The following CCR3 variants were observed in gnomAD, a reference collection of about 807,000 sequenced individuals.
CCR3 encodes C-C motif chemokine receptor 3.
For missense variants in CCR3, 419 were observed against 437.5 expected (o/e 0.96, Z 0.38); for synonymous variants, 203 against 179.2 (o/e 1.13, Z -1.06).
chr3:46,242,065 G>A (rs1700092647), upstream of CCR3, among the ~76,000 whole-genome samples: 1 of 151,676 alleles, frequency 6.6e-6, no homozygotes, highest in Non-Finnish European at 1.5e-5. Flanking sequence ...CCCAGGAGGT[G>A]GAGGTTGCAG....
intron 2 of CCR3, among the ~76,000 whole-genome samples, chr3:46,231,613 G>T (rs983089992): frequency 1.3e-5 from 2 of 152,132 alleles, no homozygotes; most frequent in Non-Finnish European, 2.9e-5. Context: ...TGCCAAGAGG[G>T]TAGATCTTAC....
intron 2 of CCR3, among the ~76,000 whole-genome samples, chr3:46,218,035 T>G (rs1173997749): frequency 6.6e-6 from 1 of 151,568 alleles, no homozygotes; most frequent in African/African-American, 2.4e-5. Context: ...AAAAGTTGGT[T>G]CTTTGAAAAG....
At chr3:46,264,737 T>A in intron 1 of CCR3, 1 of 411,102 alleles carries the variant, frequency 2.4e-6, no homozygotes, top group Non-Finnish European at 4.3e-6. Flanking sequence ...TGGATAAGGA[T>A]TTTTAAGGTA....
intron 2 of CCR3, among the ~76,000 whole-genome samples, chr3:46,236,703 C>A (rs1330889970): frequency 6.6e-6 from 1 of 152,214 alleles, no homozygotes; most frequent in Non-Finnish European, 1.5e-5. Flanking sequence ...AGTTTCCCAG[C>A]AGCATTGGAG....
At chr3:46,226,852 G>A (rs1453433612) in intron 2 of CCR3, among the ~76,000 whole-genome samples, 1 of 146,380 alleles carries the variant, frequency 6.8e-6, no homozygotes, top group Non-Finnish European at 1.5e-5. Flanking sequence ...ACCATGAATA[G>A]GTGAAATATA....
intron 2 of CCR3, among the ~76,000 whole-genome samples, chr3:46,229,911 G>A (rs766316011): frequency 1.3e-5 from 2 of 152,166 alleles, no homozygotes; most frequent in Non-Finnish European, 2.9e-5. Flanking sequence ...GGCCAAGTAA[G>A]AGCGTGGTCC....
intron 1 of CCR3, among the ~76,000 whole-genome samples, chr3:46,261,285 A>G (rs567796523): frequency 4.6e-5 from 7 of 152,362 alleles, no homozygotes; most frequent in African/African-American, 1.7e-4. Context: ...AATGAAAGGG[A>G]GTTGCATAAT....
chr3:46,243,250 G>T (rs569837933), intron 1 of CCR3, among the ~76,000 whole-genome samples: 2 of 151,912 alleles, frequency 1.3e-5, no homozygotes, highest in African/African-American at 2.4e-5. Context: ...CATAGCACTT[G>T]CTGCGTGGCA....
chr3:46,265,883 T>G lies in CCR3; in HGVS notation c.725T>G (p.Phe242Cys). 1 of 1,614,184 alleles carries G rather than the reference T, an allele frequency of 6.2e-7. No individual in the cohort carries two copies. Among genetic ancestry groups the G allele is most frequent in the Non-Finnish European group, 8.5e-7 (1 of 1,180,014 alleles). Residue 242 changes from phenylalanine (F) to cysteine (C), a missense_variant, in exon 2 of 2, where the codon TTT becomes TGT. Transcript: ENST00000395940. ...KKKYKAIRLI[F>C]VIMAVFFIFW... ...AAGTACAAGGCCATCCGGCTCATTT[T>G]TGTCATCATGGCGGTGTTTTTCATT...
chr3:46,219,658 C>A (rs1210766939), intron 2 of CCR3, among the ~76,000 whole-genome samples: 1 of 152,118 alleles, frequency 6.6e-6, no homozygotes, highest in East Asian at 1.9e-4. Flanking sequence ...ACCAATGGAA[C>A]AGAATAGAGA....
At chr3:46,236,680 C>G (rs1700028584) in intron 2 of CCR3, among the ~76,000 whole-genome samples, 1 of 152,214 alleles carries the variant, frequency 6.6e-6, no homozygotes, top group African/African-American at 2.4e-5. Context: ...ACTGGGGTCC[C>G]CAGGATGTCC....
chr3:46,212,368 A>G (rs1699724723), intron 2 of CCR3, among the ~76,000 whole-genome samples: 1 of 152,210 alleles, frequency 6.6e-6, no homozygotes, highest in Non-Finnish European at 1.5e-5. Context: ...CACCAAAGTC[A>G]GATTGGTTAC....
At chr3:46,227,593 G>A (rs1397861884) in intron 2 of CCR3, among the ~76,000 whole-genome samples, 2 of 151,712 alleles carry the variant, frequency 1.3e-5, no homozygotes, top group East Asian at 3.9e-4. Flanking sequence ...TGCATTTTCT[G>A]GTTTCTTGAG....
chr3:46,252,083 T>C (rs575147190), intron 1 of CCR3, among the ~76,000 whole-genome samples: 1 of 152,224 alleles, frequency 6.6e-6, no homozygotes, highest in African/African-American at 2.4e-5. Flanking sequence ...CATGTGGTTA[T>C]TTAAATTAAA....
At chr3:46,264,824 A>G in intron 1 of CCR3, 3 of 388,166 alleles carry the variant, frequency 7.7e-6, no homozygotes, top group Non-Finnish European at 1.4e-5. Context: ...TATTGTTATC[A>G]TTATCTAGCC....
intron 2 of CCR3, among the ~76,000 whole-genome samples, chr3:46,212,841 C>T (rs892546179): frequency 6.6e-6 from 1 of 152,176 alleles, no homozygotes; most frequent in Non-Finnish European, 1.5e-5. Flanking sequence ...CTCCCTGAAG[C>T]CTTCCCATCC....
At position 46,265,506 on chromosome 3, in the gene CCR3, C is replaced by G. The variant is rs200626938; in HGVS notation, c.348C>G (p.Gly116=). 2.5e-6 allele frequency: 4 copies of G among 1,614,166 alleles called. No individual in the cohort carries two copies. Among genetic ancestry groups the G allele is most frequent in the Non-Finnish European group, 3.4e-6 (4 of 1,180,008 alleles). Residue 116 remains glycine, a synonymous_variant, in exon 2 of 2, where the codon GGC becomes GGG. Transcript: ENST00000395940. ...CKLLSGFYHT[G]LYSEIFFIIL... is the part of the protein sequence containing the mutation. ...TCCTCTCAGGGTTTTATCACACAGGCTTGTACAGCGAGATCTTTTTCATAA... is the reference window on the plus strand; with the variant it reads ...TCCTCTCAGGGTTTTATCACACAGGGTTGTACAGCGAGATCTTTTTCATAA...
chr3:46,239,733 G>A (rs958463632), upstream of CCR3, among the ~76,000 whole-genome samples: 3 of 152,160 alleles, frequency 2.0e-5, no homozygotes, highest in Non-Finnish European at 4.4e-5. Context: ...GGTCTACTGC[G>A]TAGTCCCAGG....
chr3:46,257,673 T>C (rs923586129), intron 1 of CCR3, among the ~76,000 whole-genome samples: 3 of 152,142 alleles, frequency 2.0e-5, no homozygotes, highest in Admixed American at 2.0e-4. Flanking sequence ...AAATCTATAT[T>C]AGTCTGGGTT....
Sources: allele counts gnomAD v4.1 joint callset (sites outside exome capture counted in the v4.1 genomes callset), GRCh38; gene constraint gnomAD v4.1.1; transcripts MANE v1.5; gene names NCBI Gene and HGNC (gene_info 2026-07-23, HGNC 2026-07-21).